RGS18: variants seen among roughly 807,000 people sequenced by gnomAD.
RGS18 encodes the protein regulator of G-protein signaling 18.
RGS18 carries 22 observed loss-of-function variants against 27.6 expected under a neutral mutation model. The ratio of observed to expected loss-of-function variants is 0.80; its 90% CI spans 0.57 to 1.14. The LOEUF (loss-of-function observed/expected upper bound fraction) is 1.14, where lower values mean the gene tolerates loss of function less well. Among genes scored for constraint, RGS18 ranks in the 50% most tolerant of loss-of-function variants. The probability of loss-of-function intolerance (pLI) is 0.00; values close to 1 mark genes in which losing one functional copy is unlikely to be tolerated. For missense variants in RGS18, 299 were observed against 269.6 expected, an observed-to-expected ratio of 1.11 and a Z score of -0.76; for synonymous variants, 89 against 84.6, an observed-to-expected ratio of 1.05 and a Z score of -0.29.
At chr1:192,166,796 A>AT (rs1337030745) in intron 3 of RGS18, among the ~76,000 whole-genome samples, 3 of 152,166 alleles carry the variant, frequency 2.0e-5, no homozygotes, top group Admixed American at 6.5e-5. Flanking sequence ...GAGTTTGAAC[A>AT]TTTTTTGTCC....
rs1262551193 is a variant in RGS18 at position 192,181,299 on chromosome 1, A to C, written c.291A>C (p.Leu97=). 6.7e-7 allele frequency: 1 copy of C among 1,487,308 alleles called. No individual in the cohort carries two copies. Among genetic ancestry groups the C allele is most frequent in the Non-Finnish European group, 9.1e-7 (1 of 1,093,700 alleles). 92.1% of individuals were successfully genotyped at this position (1,487,308 alleles called of 1,614,324 possible). A position where few individuals can be genotyped will look rare whatever the true frequency, so the allele number is the denominator to read the frequency against. ...TATTTATTTTCTTGATAGATGGACT[A>C]GAGGCTTTTACCAGATTTCTTAAAA... The part of the protein sequence containing the change: ...FDKLLSHRDG[L]EAFTRFLKTE... The change falls in exon 4 of 5, where the codon CTA becomes CTC. Residue 97 remains leucine, a synonymous_variant. Transcript: ENST00000367460.
At chr1:192,166,764 C>A (rs965387179) in intron 3 of RGS18, among the ~76,000 whole-genome samples, 1 of 152,092 alleles carries the variant, frequency 6.6e-6, no homozygotes, top group African/African-American at 2.4e-5. Context: ...ATGAACAAGA[C>A]TTGTAAAAAG....
chr1:192,162,240 CA>C (rs1656086545), intron 3 of RGS18, among the ~76,000 whole-genome samples: 1 of 152,098 alleles, frequency 6.6e-6, no homozygotes, highest in Non-Finnish European at 1.5e-5. Flanking sequence ...CAGTATACGA[CA>C]ATTCATTTTT....
At chr1:192,171,273 C>G (rs1049347308) in intron 3 of RGS18, among the ~76,000 whole-genome samples, 5 of 151,860 alleles carry the variant, frequency 3.3e-5, no homozygotes, top group Admixed American at 2.6e-4. Context: ...GAAAGAAGAG[C>G]GACTTGATCA....
rs149646260 is a variant in RGS18 at position 192,172,321 on chromosome 1, C to T, written c.284-8971C>T. On this transcript the variant is annotated intron_variant, in intron 3 of 4. Coordinates refer to ENST00000367460, the MANE Select transcript of RGS18 (RefSeq NM_130782.3). ...GGATTAGTTCTCAGGGGAATGGATT[C>T]GTTCCCTCGAGAGTAGGTTCTTATG... 4.2e-3 allele frequency among the ~76,000 whole-genome samples: 639 copies of T among 152,040 alleles called. 5 individuals are homozygous for T. The highest frequency in any genetic ancestry group is 0.014 in the African/African-American group (581 of 41,492).
chr1:192,184,109 C>T (rs1484206336), intron 4 of RGS18, among the ~76,000 whole-genome samples, 188 bp from the exon 5 acceptor site: 1 of 151,606 alleles, frequency 6.6e-6, no homozygotes, highest in African/African-American at 2.4e-5. Context: ...TAACTGCCCA[C>T]CAGGCTCCAC....
intron 3 of RGS18, among the ~76,000 whole-genome samples, chr1:192,170,740 G>T (rs1006801872): frequency 2.0e-4 from 30 of 151,154 alleles, no homozygotes; most frequent in Admixed American, 4.0e-4. Flanking sequence ...TAATGGAAAA[G>T]AAATAAATTA....
intron 3 of RGS18, chr1:192,168,466 A>C (rs1656198941): frequency 1.3e-5 from 2 of 152,176 alleles, no homozygotes; most frequent in Non-Finnish European, 2.9e-5. Context: ...TTCACTTTGA[A>C]TGTCTGTATC....
At chr1:192,168,023 A>G (rs1656191251) in intron 3 of RGS18, 1 of 152,216 alleles carries the variant, frequency 6.6e-6, no homozygotes, top group African/African-American at 2.4e-5. Flanking sequence ...CATGCATTTC[A>G]TATTTGTATG....
At chr1:192,180,088 C>T (rs955805241) in intron 3 of RGS18, among the ~76,000 whole-genome samples, 2 of 151,518 alleles carry the variant, frequency 1.3e-5, no homozygotes, top group South Asian at 2.1e-4. Context: ...GTTGAAAGAG[C>T]GTTTTTGAAG....
Position 192,181,374 on chromosome 1 carries a change from C to A in RGS18, c.366C>A (p.Phe122Leu). 6.3e-7 allele frequency: 1 copy of A among 1,591,958 alleles called. No individual in the cohort carries two copies. The highest frequency in any genetic ancestry group is 1.2e-5 in the South Asian group (1 of 86,296). The change falls in exon 4 of 5, where the codon TTC (phenylalanine) becomes TTA (leucine). Residue 122 changes from phenylalanine to leucine, a missense_variant. Physicochemically the swap from Phe to Leu is conservative, Grantham distance 22. Coordinates refer to ENST00000367460, the MANE Select transcript of RGS18 (RefSeq NM_130782.3). ...AATTTTGGATAGCCTGTGAAGATTT[C>A]AAGAAAAGCAAGGGACCTCAACAAA... Reference protein sequence around the residue: ...NIEFWIACEDFKKSKGPQQIH... With the variant: ...NIEFWIACEDLKKSKGPQQIH...
At chr1:192,180,244 C>T (rs1199108032) in intron 3 of RGS18, among the ~76,000 whole-genome samples, 1 of 151,380 alleles carries the variant, frequency 6.6e-6, no homozygotes, top group Non-Finnish European at 1.5e-5. Context: ...TTACTAAAAC[C>T]CTTATGGAGT....
rs1656139252 is a variant in RGS18 at position 192,165,032 on chromosome 1, T to A, written c.283+4593T>A. Among the ~76,000 whole-genome samples the A allele has an allele frequency of 3.9e-5, 6 of 152,274 alleles. No homozygotes were observed. The South Asian group carries it at 1.2e-3, about 32-fold the overall frequency. On this transcript the variant is annotated intron_variant, in intron 3 of 4. Coordinates refer to ENST00000367460, the MANE Select transcript of RGS18 (RefSeq NM_130782.3). Reference sequence around the variant, plus strand: ...GGGACCCGGGCAGGACAGTCATATTTCTCTTATTGCCGAAAATGGGTAAGA... The same window carrying A: ...GGGACCCGGGCAGGACAGTCATATTACTCTTATTGCCGAAAATGGGTAAGA...
At chr1:192,159,464 G>T in intron 2 of RGS18, 143 bp downstream of exon 2, 1 of 626,566 alleles carries the variant, frequency 1.6e-6, no homozygotes, top group South Asian at 2.0e-5. Context: ...GAAGAGACTA[G>T]AAATATTTCA....
chr1:192,175,544 T>A lies in RGS18; in HGVS notation c.284-5748T>A, dbSNP rs550321887. Among the ~76,000 whole-genome samples, 17 of 152,030 alleles carry A rather than the reference T, an allele frequency of 1.1e-4. No individual in the cohort carries two copies. In the South Asian group the frequency reaches 3.5e-3, roughly 32 times the overall value. ...CTTAGTAGTAGGACAAGACATAGTG[T>A]TTATACCAGAAACACGAACTTTCTT... On this transcript the variant is annotated intron_variant, in intron 3 of 4. Transcript: ENST00000367460.
rs1656015149 is a variant in RGS18 at position 192,158,658 on chromosome 1, C to G, written c.21C>G (p.Phe7Leu). Residue 7 changes from phenylalanine to leucine, a missense_variant, in exon 1 of 5, where the codon TTC (phenylalanine) becomes TTG (leucine). Transcript: ENST00000367460. METTLL[F>L]FSQINMCESK... Reference sequence around the variant, plus strand: ...AGAAGATGGAAACAACATTGCTTTTCTTTTCTCAAATAAATATGTGTGAAT... The same window carrying G: ...AGAAGATGGAAACAACATTGCTTTTGTTTTCTCAAATAAATATGTGTGAAT... 7 of 1,569,640 alleles carry G rather than the reference C, an allele frequency of 4.5e-6. No individual in the cohort carries two copies. The East Asian group carries it at 1.6e-4, about 36-fold the overall frequency.
At chr1:192,178,228 G>A (rs1363009370) in intron 3 of RGS18, among the ~76,000 whole-genome samples, 1 of 151,546 alleles carries the variant, frequency 6.6e-6, no homozygotes, top group Non-Finnish European at 1.5e-5. Flanking sequence ...GTCATTAAAT[G>A]GGAAATGTAT....
chr1:192,161,323 T>A (rs551543721), intron 3 of RGS18: 1 of 152,316 alleles, frequency 6.6e-6, no homozygotes, highest in East Asian at 1.9e-4. Context: ...CATTTGACTC[T>A]GGAACACTGT....
chr1:192,182,689 C>A (rs1656477125), intron 4 of RGS18, among the ~76,000 whole-genome samples: 1 of 151,514 alleles, frequency 6.6e-6, no homozygotes, highest in African/African-American at 2.4e-5. Context: ...GAGCTATTTT[C>A]ATTCTAGACT....
Sources: allele counts gnomAD v4.1 joint callset (sites outside exome capture counted in the v4.1 genomes callset), GRCh38; gene constraint gnomAD v4.1.1; transcripts MANE v1.5; gene names NCBI Gene and HGNC (gene_info 2026-07-23, HGNC 2026-07-21).